The following METTL25 variants were observed in gnomAD, a reference collection of about 807,000 sequenced individuals.
METTL25 encodes the protein probable methyltransferase-like protein 25.
METTL25 carries 64 observed loss-of-function variants against 71.6 expected under a neutral mutation model. The ratio of observed to expected loss-of-function variants is 0.89; its 90% CI spans 0.73 to 1.10. METTL25 has a LOEUF of 1.10. METTL25 is among the 50% of genes least tolerant of loss of function. The pLI, the probability that METTL25 is intolerant of heterozygous loss-of-function variation, is 0.00. For synonymous variants in METTL25, 287 were observed against 250.3 expected (o/e 1.15, Z -1.38); for missense variants, 807 against 707.0 (o/e 1.14, Z -1.60).
At chr12:82,372,822 C>T (rs1271952045) in intron 1 of METTL25, among the ~76,000 whole-genome samples, 1 of 152,136 alleles carries the variant, frequency 6.6e-6, no homozygotes, top group South Asian at 2.1e-4. Flanking sequence ...CACAAGGGTC[C>T]CTGGACCTTG....
At chr12:82,386,429 T>TCCTCCCTC (rs201749073) in intron 1 of METTL25, among the ~76,000 whole-genome samples, 5 of 143,426 alleles carry the variant, frequency 3.5e-5, no homozygotes, top group Non-Finnish European at 1.5e-5. Flanking sequence ...CTTCCTTCCT[T>TCCTCCCTC]CCTCCCTCCC....
At chr12:82,402,157 TA>T (rs1293279544) in intron 4 of METTL25, among the ~76,000 whole-genome samples, 1 of 152,090 alleles carries the variant, frequency 6.6e-6, no homozygotes, top group Non-Finnish European at 1.5e-5. Context: ...AGGAGAATTT[TA>T]AATACGATGT....
At chr12:82,426,048 G>A (rs1202154578) in intron 5 of METTL25, among the ~76,000 whole-genome samples, 2 of 152,054 alleles carry the variant, frequency 1.3e-5, no homozygotes, top group East Asian at 3.9e-4. Context: ...ATGGGTATAT[G>A]AATGCAAAGA....
At chr12:82,460,757 A>T (rs1343575734) in intron 9 of METTL25, among the ~76,000 whole-genome samples, 1 of 152,208 alleles carries the variant, frequency 6.6e-6, no homozygotes, top group Non-Finnish European at 1.5e-5. Context: ...TCTAGACTGG[A>T]AAAGGACATT....
chr12:82,359,620 G>A (rs1881544754), intron 1 of METTL25, among the ~76,000 whole-genome samples: 1 of 152,212 alleles, frequency 6.6e-6, no homozygotes, highest in Non-Finnish European at 1.5e-5. Flanking sequence ...CTTGGACTAG[G>A]ATGGTATTCG....
chr12:82,444,210 C>A (rs1050421938), intron 8 of METTL25, among the ~76,000 whole-genome samples: 7 of 152,046 alleles, frequency 4.6e-5, no homozygotes, highest in Non-Finnish European at 8.8e-5. Flanking sequence ...ATTCATCTGG[C>A]AACAAACTTC....
chr12:82,389,281 G>GA (rs138796387), intron 2 of METTL25, among the ~76,000 whole-genome samples: 1,990 of 152,166 alleles, frequency 0.013, 38 homozygotes, highest in African/African-American at 0.046. Flanking sequence ...GTGGAGCATA[G>GA]AATGTTAATT....
At chr12:82,454,330 G>C (rs957169813) in intron 8 of METTL25, among the ~76,000 whole-genome samples, 6 of 152,054 alleles carry the variant, frequency 3.9e-5, no homozygotes, top group Admixed American at 2.6e-4. Flanking sequence ...CAGAGGGATT[G>C]AGAGTATAGT....
In METTL25 at chr12:82,399,393, A is replaced by T. The variant is rs1415339487; in HGVS notation, c.1130A>T (p.Glu377Val). Residue 377 changes from glutamate (E) to valine (V), a missense_variant and splice_region_variant, in exon 4 of 12, where the codon GAG becomes GTG. Coordinates refer to ENST00000248306, the MANE Select transcript of METTL25 (RefSeq NM_032230.3). ...CTCCATGACATTATTAAAGATTTGG[A>T]GGTGACTTTACCTTTGAATTATTTA... ...SELHDIIKDLEDCLMVGLHTC... is the reference protein window; with the variant it reads ...SELHDIIKDLVDCLMVGLHTC... The T allele has an allele frequency of 6.4e-7, 1 of 1,560,892 alleles. No homozygotes were observed. Among genetic ancestry groups the T allele is most frequent in the Non-Finnish European group, 8.6e-7 (1 of 1,159,454 alleles).
chr12:82,380,226 C>T (rs2401028), intron 1 of METTL25, among the ~76,000 whole-genome samples: 150,889 of 152,282 alleles, frequency 0.99, 74,756 homozygotes, highest in East Asian at 1. Context: ...TTGGTATTTG[C>T]TTTTCTGTTC....
intron 8 of METTL25, among the ~76,000 whole-genome samples, chr12:82,444,161 A>T (rs1161125169): frequency 6.6e-6 from 1 of 152,094 alleles, no homozygotes; most frequent in African/African-American, 2.4e-5. Flanking sequence ...TAAAAGACAA[A>T]GAAAGGATCA....
At chr12:82,359,731 T>C (rs1299896054) in intron 1 of METTL25, among the ~76,000 whole-genome samples, 1 of 152,188 alleles carries the variant, frequency 6.6e-6, no homozygotes, top group African/African-American at 2.4e-5. Context: ...ATGTAGATTC[T>C]TCTCAGGCAA....
intron 9 of METTL25, among the ~76,000 whole-genome samples, chr12:82,461,819 A>C (rs762550098): frequency 2.0e-5 from 3 of 152,242 alleles, no homozygotes; most frequent in Non-Finnish European, 4.4e-5. Context: ...GACCAAATGT[A>C]TGAAACATTT....
intron 5 of METTL25, chr12:82,407,934 G>T (rs1302523432): frequency 1.0e-6 from 1 of 984,726 alleles, no homozygotes; most frequent in Admixed American, 6.2e-5. Context: ...TATCTTTGCT[G>T]TAGTAAAACA....
chr12:82,447,821 C>T (rs1290520928), intron 8 of METTL25, among the ~76,000 whole-genome samples: 3 of 152,056 alleles, frequency 2.0e-5, no homozygotes, highest in African/African-American at 7.2e-5. Context: ...TTCAGTATCA[C>T]TAAAATATTG....
chr12:82,461,788 T>C (rs1367630931), intron 9 of METTL25, among the ~76,000 whole-genome samples: 2 of 152,090 alleles, frequency 1.3e-5, no homozygotes, highest in African/African-American at 2.4e-5. Context: ...CTCATGAAAG[T>C]CTGGCTGATG....
intron 5 of METTL25, among the ~76,000 whole-genome samples, chr12:82,414,973 C>T (rs1245635618): frequency 6.6e-6 from 1 of 152,028 alleles, no homozygotes; most frequent in African/African-American, 2.4e-5. Context: ...AAAATTATCT[C>T]AGGTGTTCCA....
At chr12:82,411,450 G>C (rs1490912887) in intron 5 of METTL25, among the ~76,000 whole-genome samples, 1 of 151,860 alleles carries the variant, frequency 6.6e-6, no homozygotes, top group Non-Finnish European at 1.5e-5. Context: ...GTTGGAACAT[G>C]TTTCTTTAAT....
intron 9 of METTL25, chr12:82,468,900 C>G (rs1892405851): frequency 6.6e-6 from 1 of 152,142 alleles, no homozygotes; most frequent in East Asian, 1.9e-4. Flanking sequence ...AATGCCATCA[C>G]CCCTGCAGAG....
Sources: gnomAD v4.1 joint callset for allele counts (sites outside exome capture counted in the v4.1 genomes callset) on GRCh38, gnomAD v4.1.1 for gene constraint, MANE v1.5 for transcripts, NCBI Gene and HGNC (gene_info 2026-07-23, HGNC 2026-07-21) for gene names.